Variants in TTC7A observed in about 807,000 individuals in gnomAD.
TTC7A encodes the protein tetratricopeptide repeat protein 7A.
Under a neutral mutation model 103.7 loss-of-function variants are expected in TTC7A, and 110 were observed. That is an observed-to-expected ratio of 1.06 (90% CI 0.91 to 1.24). The LOEUF (loss-of-function observed/expected upper bound fraction) is 1.24. Among genes scored for constraint, TTC7A ranks in the 50% most tolerant of loss-of-function variants. The pLI, the probability that TTC7A is intolerant of heterozygous loss-of-function variation, is 0.00. For synonymous variants in TTC7A, 521 were observed against 467.9 expected, an observed-to-expected ratio of 1.11 and a Z score of -1.47; for missense variants, 1,340 against 1,116.3, an observed-to-expected ratio of 1.20 and a Z score of -2.86.
chr2:46,959,928 A>G (rs936126614), intron 3 of TTC7A, among the ~76,000 whole-genome samples: 2 of 152,208 alleles, frequency 1.3e-5, no homozygotes, highest in Non-Finnish European at 2.9e-5. Flanking sequence ...GTTATTGTCC[A>G]TGTCACATTT....
intron 8 of TTC7A, among the ~76,000 whole-genome samples, chr2:46,995,680 A>G (rs1002306025): frequency 1.3e-5 from 2 of 152,196 alleles, no homozygotes; most frequent in East Asian, 3.8e-4. Context: ...TCTCCCCTGT[A>G]ATATAACAAT....
intron 8 of TTC7A, among the ~76,000 whole-genome samples, chr2:47,000,213 G>A (rs1266785317): frequency 6.6e-6 from 1 of 151,216 alleles, no homozygotes; most frequent in Admixed American, 6.6e-5. Context: ...AAAATGTTCA[G>A]GTCTGATTGG....
At position 47,007,638 on chromosome 2, in the gene TTC7A, G is replaced by A. The variant is rs1271828708; in HGVS notation, c.1287+914G>A. 6.6e-6 allele frequency among the ~76,000 whole-genome samples: 1 copy of A among 152,172 alleles called. No homozygotes were observed. Among genetic ancestry groups the A allele is most frequent in the African/African-American group, 2.4e-5 (1 of 41,432 alleles). On this transcript the variant is annotated intron_variant, in intron 10 of 19. Transcript: ENST00000319190. This position sits in a 1 kb window ranked among gnomAD's most constrained non-coding sequence, Gnocchi z 4.9. ...TGCCTCCTCCACGCATCAAGGGCGT[G>A]CCAGCCAGCTCGGGGCCTCGGCAGC...
intron 2 of TTC7A, chr2:46,956,582 G>T: frequency 2.0e-6 from 1 of 488,278 alleles, no homozygotes; most frequent in Non-Finnish European, 3.7e-6. Flanking sequence ...CTGGAGTCTT[G>T]CTGGGGGCAT....
intron 19 of TTC7A, among the ~76,000 whole-genome samples, chr2:47,073,049 G>C (rs541599905): frequency 6.6e-6 from 1 of 151,986 alleles, no homozygotes; most frequent in Non-Finnish European, 1.5e-5. Context: ...AATCCAGCCC[G>C]TTCACCCAGC....
chr2:47,037,267 C>T (rs1180228733), intron 15 of TTC7A, among the ~76,000 whole-genome samples: 5 of 152,216 alleles, frequency 3.3e-5, no homozygotes, highest in African/African-American at 9.7e-5. Context: ...CTGGCCTCTC[C>T]TCTGCCTGCT....
intron 18 of TTC7A, among the ~76,000 whole-genome samples, chr2:47,055,729 C>T (rs1683258348): frequency 6.6e-6 from 1 of 152,162 alleles, no homozygotes; most frequent in South Asian, 2.1e-4. Context: ...TGAGTCTCAG[C>T]TCCCCAGTGC....
intron 3 of TTC7A, among the ~76,000 whole-genome samples, chr2:46,960,313 C>G (rs1023532538): frequency 6.6e-6 from 1 of 152,218 alleles, no homozygotes; most frequent in Non-Finnish European, 1.5e-5. Context: ...TGGCCCTGGA[C>G]AGAGCCTCCC....
At chr2:47,033,834 G>A (rs1680820839) in intron 15 of TTC7A, among the ~76,000 whole-genome samples, 1 of 152,172 alleles carries the variant, frequency 6.6e-6, no homozygotes, top group African/African-American at 2.4e-5. Flanking sequence ...GCCTGGGGAA[G>A]GCCAGGTAGT....
chr2:46,916,169 GCTCTTGGTTCAGGT>G (rs1668780023), exon 1 of TTC7A: 5 of 985,370 alleles, frequency 5.1e-6, no homozygotes, highest in Non-Finnish European at 4.8e-6. Context: ...CCTATACAGG[GCTCTTGGTTCAGGT>G]CTCTTGGTTC....
At chr2:47,019,003 G>C (rs1678997636) in intron 11 of TTC7A, among the ~76,000 whole-genome samples, 1 of 152,178 alleles carries the variant, frequency 6.6e-6, no homozygotes, top group South Asian at 2.1e-4. Context: ...GGAGTTGGGT[G>C]GGATTATAGT....
At chr2:46,969,243 C>G (rs1430122690) in intron 3 of TTC7A, among the ~76,000 whole-genome samples, 3 of 151,500 alleles carry the variant, frequency 2.0e-5, no homozygotes, top group African/African-American at 7.3e-5. Context: ...GTGGCTCACA[C>G]CTGTAATCCC....
intron 8 of TTC7A, among the ~76,000 whole-genome samples, chr2:47,003,141 G>C (rs912486231): frequency 1.3e-5 from 2 of 152,198 alleles, no homozygotes; most frequent in African/African-American, 2.4e-5. Context: ...GACAGGGGGA[G>C]GTTTCCACTC....
At chr2:46,986,055 T>C (rs1050698157) in intron 5 of TTC7A, among the ~76,000 whole-genome samples, 3 of 152,214 alleles carry the variant, frequency 2.0e-5, no homozygotes, top group African/African-American at 7.2e-5. Flanking sequence ...CATTGGCACG[T>C]GTCCTGGGTG....
chr2:47,025,920 C>A (rs943164939), intron 14 of TTC7A, among the ~76,000 whole-genome samples: 2 of 152,196 alleles, frequency 1.3e-5, no homozygotes, highest in Non-Finnish European at 2.9e-5. Context: ...ATTTTTAGTT[C>A]CCTGTAAAAG....
chr2:47,049,245 G>A (rs894546274), intron 16 of TTC7A, among the ~76,000 whole-genome samples: 1 of 152,186 alleles, frequency 6.6e-6, no homozygotes, highest in Admixed American at 6.5e-5. Flanking sequence ...CAGTGGGAAT[G>A]TGCTGGCTGG....
rs1670529693 is a variant in TTC7A, at chr2:46,942,567, A to G, written c.184+842A>G. ...ATAGTAATAGTAATAGTCAACGCTTACTTCGTGCTTCCTGTGTGCCAGACA... is the reference window on the plus strand; with the variant it reads ...ATAGTAATAGTAATAGTCAACGCTTGCTTCGTGCTTCCTGTGTGCCAGACA... On this transcript the variant is annotated intron_variant, in intron 1 of 19. Coordinates refer to ENST00000319190, the MANE Select transcript of TTC7A (RefSeq NM_020458.4). Among the ~76,000 whole-genome samples the G allele has an allele frequency of 2.0e-5, 3 of 152,222 alleles. No homozygotes were observed. In the South Asian group the frequency reaches 6.2e-4, roughly 32 times the overall value.
Position 47,073,723 on chromosome 2 carries a change from G to A in TTC7A, c.2377G>A (p.Gly793Ser), listed in dbSNP as rs756857892. 70 of 1,613,806 alleles carry A rather than the reference G, an allele frequency of 4.3e-5. 2 individuals carry two copies. The South Asian group carries it at 7.5e-4, about 17-fold the overall frequency. Residue 793 changes from glycine to serine, a missense_variant, in exon 20 of 20, where the codon GGC becomes AGC. Coordinates refer to ENST00000319190, the MANE Select transcript of TTC7A (RefSeq NM_020458.4). ...ACAGGGTCTGATGCTGAGTCGGCTG[G>A]GCCACAAGAGCTTGGCCCAGAAGGT... is the stretch of plus-strand genomic sequence containing the variant. ...HSLGLMLSRL[G>S]HKSLAQKVLR...
intron 14 of TTC7A, among the ~76,000 whole-genome samples, chr2:47,024,881 C>T (rs989223875): frequency 1.3e-5 from 2 of 152,208 alleles, no homozygotes; most frequent in Non-Finnish European, 2.9e-5. Context: ...CAGGCAGACC[C>T]GCCTTTTCCC....
Sources: gnomAD v4.1 joint callset for allele counts (sites outside exome capture counted in the v4.1 genomes callset) on GRCh38, gnomAD v4.1.1 for gene constraint, Gnocchi (gnomAD v3.1) non-coding constraint, MANE v1.5 for transcripts, NCBI Gene and HGNC (gene_info 2026-07-23, HGNC 2026-07-21) for gene names.